CEP89: variants seen among roughly 807,000 people sequenced by gnomAD.
The protein encoded by CEP89 is centrosomal protein of 89 kDa.
Under a neutral mutation model 97.6 loss-of-function variants are expected in CEP89, and 95 were observed. That is an observed-to-expected ratio of 0.97 (90% CI 0.82 to 1.15). CEP89 has a LOEUF of 1.15. Among genes scored for constraint, CEP89 ranks in the 50% most tolerant of loss-of-function variants. The pLI is 0.00. For missense variants in CEP89, 869 were observed against 947.7 expected (o/e 0.92, Z 1.09); for synonymous variants, 354 against 349.1 (o/e 1.01, Z -0.16).
intron 14 of CEP89, among the ~76,000 whole-genome samples, chr19:32,910,291 G>C (rs879848105): frequency 5.8e-5 from 8 of 136,892 alleles, no homozygotes; most frequent in Non-Finnish European, 1.3e-4. Context: ...GAGAGAGAGC[G>C]AGAGAGAGAG....
intron 11 of CEP89, among the ~76,000 whole-genome samples, chr19:32,923,748 A>T (rs1288428245): frequency 1.3e-5 from 2 of 152,174 alleles, no homozygotes; most frequent in African/African-American, 4.8e-5. Context: ...ACTAGGACCA[A>T]ATGCAAGGCC....
intron 4 of CEP89, among the ~76,000 whole-genome samples, chr19:32,951,126 G>T (rs907485467): frequency 2.0e-5 from 3 of 151,978 alleles, no homozygotes; most frequent in African/African-American, 7.3e-5. Context: ...CACTTCTTGT[G>T]CATATTTTAT....
intron 5 of CEP89, among the ~76,000 whole-genome samples, chr19:32,945,955 T>C (rs557473301): frequency 1.3e-5 from 2 of 152,166 alleles, no homozygotes; most frequent in Non-Finnish European, 2.9e-5. Context: ...CAGGAAGGTG[T>C]GGATCTTGGG....
intron 6 of CEP89, among the ~76,000 whole-genome samples, chr19:32,938,278 G>C (rs1427538809): frequency 1.3e-5 from 2 of 152,132 alleles, no homozygotes; most frequent in Non-Finnish European, 2.9e-5. Context: ...GTGGGCTCAC[G>C]TTGAAAAGCA....
At chr19:32,938,970 G>T (rs1002074730) in intron 6 of CEP89, among the ~76,000 whole-genome samples, 3 of 151,974 alleles carry the variant, frequency 2.0e-5, no homozygotes, top group South Asian at 2.1e-4. Context: ...CTCAGGCTAG[G>T]CACGTCACAT....
At chr19:32,967,172 T>C (rs917990133) in intron 1 of CEP89, among the ~76,000 whole-genome samples, 7 of 152,146 alleles carry the variant, frequency 4.6e-5, no homozygotes, top group African/African-American at 1.7e-4. Flanking sequence ...TTGAGCACAT[T>C]GCCTCACACC....
chr19:32,902,048 G>GTGTGTGTGTGTGTGTGTA (rs1255251867), intron 14 of CEP89, among the ~76,000 whole-genome samples: 28 of 150,012 alleles, frequency 1.9e-4, no homozygotes, highest in African/African-American at 6.8e-4. Flanking sequence ...GTGTGTGTAT[G>GTGTGTGTGTGTGTGTGTA]TGTGTGTATA....
chr19:32,879,001 T>A lies in CEP89; in HGVS notation c.*161A>T. 1 of 491,732 alleles carries A rather than the reference T, an allele frequency of 2.0e-6. No individual in the cohort carries two copies. Among genetic ancestry groups the A allele is most frequent in the Non-Finnish European group, 3.5e-6 (1 of 283,338 alleles). 30.5% of individuals were successfully genotyped at this position (491,732 alleles called of 1,614,324 possible). A position where few individuals can be genotyped will look rare whatever the true frequency, so the allele number is the denominator to read the frequency against. On this transcript the variant is annotated 3_prime_UTR_variant, in exon 19 of 19. Transcript: ENST00000305768. ...AATTAAAAAATAAAGCAAAATGTTA[T>A]CAATGGATTAAACTATGAGACCATT...
chr19:32,955,416 T>C (rs1227694401), intron 3 of CEP89, among the ~76,000 whole-genome samples: 1 of 152,234 alleles, frequency 6.6e-6, no homozygotes, highest in African/African-American at 2.4e-5. Context: ...TTTCCATTGT[T>C]GTAGATAACC....
At position 32,922,107 on chromosome 19, in the gene CEP89, C is replaced by A. The variant is rs143949113; in HGVS notation, c.1268+1332G>T. Among the ~76,000 whole-genome samples the A allele has an allele frequency of 3.5e-3, 532 of 152,234 alleles. 7 individuals are homozygous for A. Among genetic ancestry groups the A allele is most frequent in the African/African-American group, 0.012 (513 of 41,540 alleles). ...GCTGTGCTAGATGCGGGGCCACACACAAAAATGAGCAGGACATTGGTTCCT... is the reference window on the plus strand; with the variant it reads ...GCTGTGCTAGATGCGGGGCCACACAAAAAAATGAGCAGGACATTGGTTCCT... On this transcript the variant is annotated intron_variant, in intron 12 of 18. Transcript: ENST00000305768.
In CEP89 at chr19:32,879,158, G is replaced by C. The variant is rs757097133; in HGVS notation, c.*4C>G. On this transcript the variant is annotated 3_prime_UTR_variant, in exon 19 of 19. Coordinates refer to ENST00000305768, the MANE Select transcript of CEP89 (RefSeq NM_032816.5). ...GGAGGCTACACCACGGGCTCCCGCA[G>C]ATTCTAGCAGGTGGGGGCATGAGAC... 1.2e-6 allele frequency: 2 copies of C among 1,604,576 alleles called. No individual in the cohort carries two copies. Among genetic ancestry groups the C allele is most frequent in the Non-Finnish European group, 1.7e-6 (2 of 1,174,150 alleles).
intron 4 of CEP89, among the ~76,000 whole-genome samples, chr19:32,951,900 C>T (rs1467802318): frequency 6.6e-6 from 1 of 152,022 alleles, no homozygotes; most frequent in South Asian, 2.1e-4. Context: ...GTAAGCTTTC[C>T]CTCTAGAACA....
intron 18 of CEP89, 76 bp downstream of exon 18, chr19:32,881,768 C>T: frequency 7.3e-7 from 1 of 1,360,730 alleles, no homozygotes; most frequent in Non-Finnish European, 9.9e-7. Context: ...TAAAACAGGC[C>T]CAGAGGGTTT....
Position 32,885,100 on chromosome 19 carries a change from C to T in CEP89, c.1965+2652G>A, listed in dbSNP as rs112836769. Among the ~76,000 whole-genome samples the T allele has an allele frequency of 1.6e-4, 24 of 152,276 alleles. 1 individual carries two copies. The highest frequency in any genetic ancestry group is 5.5e-4 in the African/African-American group (23 of 41,560). ...TTTCAGCTTTAATGATATCCCTTGA[C>T]TCTTATTACCTACGAAGAAATCAGC... is the stretch of plus-strand genomic sequence containing the variant. On this transcript the variant is annotated intron_variant, in intron 17 of 18. Coordinates refer to ENST00000305768, the MANE Select transcript of CEP89 (RefSeq NM_032816.5).
rs922375503 is a variant in CEP89, at chr19:32,936,454, G to A, written c.667+1177C>T. 2.6e-5 allele frequency among the ~76,000 whole-genome samples: 4 copies of A among 152,086 alleles called. No individual in the cohort carries two copies. Among genetic ancestry groups the A allele is most frequent in the Non-Finnish European group, 5.9e-5 (4 of 67,986 alleles). ...CCTGGGCAGAAGCAGGCAGGTCCCC[G>A]GTGAGGCCCCGCCTTCAGGTCGGAG... On this transcript the variant is annotated intron_variant, in intron 7 of 18. Coordinates refer to ENST00000305768, the MANE Select transcript of CEP89 (RefSeq NM_032816.5). This position sits in a 1 kb window ranked among gnomAD's most constrained non-coding sequence, Gnocchi z 4.5.
rs149379505 is a variant in CEP89 at position 32,901,996 on chromosome 19, G to GTCTC, written c.1566-588_1566-585dup. 3.5e-3 allele frequency among the ~76,000 whole-genome samples: 499 copies of GTCTC among 141,712 alleles called. 9 individuals carry two copies. The highest frequency in any genetic ancestry group is 1.2e-3 in the African/African-American group (44 of 37,556). 93.0% of individuals were successfully genotyped at this position (141,712 alleles called of 152,430 possible). On this transcript the variant is annotated intron_variant, in intron 14 of 18. Coordinates refer to ENST00000305768, the MANE Select transcript of CEP89 (RefSeq NM_032816.5). Reference sequence around the variant, plus strand: ...TTTTGGCTTATGTCTCTGTCTCTCTGTCTCTCTCTCTCTCTGTGTGTGTGT... The same window carrying GTCTC: ...TTTTGGCTTATGTCTCTGTCTCTCTGTCTCTCTCTCTCTCTCTCTGTGTGTGTGT...
At chr19:32,965,356 G>A (rs988075527) in intron 2 of CEP89, among the ~76,000 whole-genome samples, 13 of 152,040 alleles carry the variant, frequency 8.6e-5, no homozygotes, top group African/African-American at 3.1e-4. Context: ...AGTCACGTTC[G>A]CACCAATGCA....
chr19:32,899,303 A>T (rs1969713856), intron 16 of CEP89, among the ~76,000 whole-genome samples: 1 of 151,808 alleles, frequency 6.6e-6, no homozygotes, highest in Non-Finnish European at 1.5e-5. Flanking sequence ...GCTAATTTTT[A>T]AATTTTTTTT....
chr19:32,945,391 C>A (rs1021544052), intron 5 of CEP89, among the ~76,000 whole-genome samples: 8 of 152,024 alleles, frequency 5.3e-5, no homozygotes, highest in African/African-American at 1.9e-4. Context: ...GCTTTTAATG[C>A]CCACCACAAA....
Sources: allele counts gnomAD v4.1 joint callset (sites outside exome capture counted in the v4.1 genomes callset), GRCh38; gene constraint gnomAD v4.1.1; non-coding constraint Gnocchi (gnomAD v3.1); transcripts MANE v1.5; gene names NCBI Gene and HGNC (gene_info 2026-07-23, HGNC 2026-07-21).